MED12L: variants seen among roughly 807,000 people sequenced by gnomAD.
MED12L encodes the protein mediator of RNA polymerase II transcription subunit 12-like protein.
A neutral mutation model predicts 281.3 loss-of-function variants in MED12L; 60 were observed. The ratio of observed to expected loss-of-function variants is 0.21; its 90% CI spans 0.17 to 0.26. MED12L has a LOEUF of 0.26. MED12L is among the 10% of genes least tolerant of loss of function. The pLI is 1.00. For synonymous variants in MED12L, 974 were observed against 987.2 expected (o/e 0.99, Z 0.25); for missense variants, 2,146 against 2,680.9 (o/e 0.80, Z 4.41).
chr3:151,286,619 G>A (rs1403881613), intron 16 of MED12L, among the ~76,000 whole-genome samples: 4 of 152,152 alleles, frequency 2.6e-5, no homozygotes, highest in African/African-American at 9.7e-5. Flanking sequence ...TGATGAAATG[G>A]CTGGATTCAT....
At chr3:151,219,660 A>T (rs763406903) in intron 16 of MED12L, 4 of 152,228 alleles carry the variant, frequency 2.6e-5, no homozygotes, top group Non-Finnish European at 5.9e-5. Flanking sequence ...ACACAAAACA[A>T]AAAACCAAAG....
At chr3:151,091,559 A>G (rs999902878) in intron 2 of MED12L, among the ~76,000 whole-genome samples, 6 of 152,224 alleles carry the variant, frequency 3.9e-5, no homozygotes, top group African/African-American at 1.2e-4. Context: ...TTAGACTTCT[A>G]TGTATGGCTG....
intron 2 of MED12L, among the ~76,000 whole-genome samples, chr3:151,102,368 GT>G (rs112563722): frequency 6.6e-6 from 1 of 152,124 alleles, no homozygotes; most frequent in East Asian, 1.9e-4. Flanking sequence ...GTTTAGACTA[GT>G]TTTTCTGAGG....
At chr3:151,190,607 T>C (rs1166805542) in intron 13 of MED12L, 110 bp from the exon 14 acceptor site, 1 of 996,772 alleles carries the variant, frequency 1.0e-6, no homozygotes, top group Admixed American at 2.5e-5. Context: ...AGATCTTTTT[T>C]TTCCCCAGAA....
At chr3:151,341,451 A>G (rs776620319) in intron 16 of MED12L, among the ~76,000 whole-genome samples, 1 of 152,100 alleles carries the variant, frequency 6.6e-6, no homozygotes, top group Non-Finnish European at 1.5e-5. Flanking sequence ...AAAATATAAC[A>G]TTAAATTAAG....
chr3:151,409,689 T>C (rs1004908940), intron 40 of MED12L, among the ~76,000 whole-genome samples: 9 of 152,236 alleles, frequency 5.9e-5, no homozygotes, highest in African/African-American at 2.2e-4. Context: ...CTGGACTCAG[T>C]GGCTCATGCC....
At position 151,163,952 on chromosome 3, in the gene MED12L, G is replaced by C. The variant is rs1720344822; in HGVS notation, c.1167G>C (p.Lys389Asn). The C allele has an allele frequency of 6.2e-7, 1 of 1,613,232 alleles. No individual in the cohort carries two copies. The highest frequency in any genetic ancestry group is 8.5e-7 in the Non-Finnish European group (1 of 1,179,570). ...GGAATTATTCCACAAATGAAAATAAGAGCGCAAACCCAGGCTCACCCCTGG... is the reference window on the plus strand; with the variant it reads ...GGAATTATTCCACAAATGAAAATAACAGCGCAAACCCAGGCTCACCCCTGG... ...LVWNYSTNEN[K>N]SANPGSPLDL... is the part of the protein sequence containing the mutation. Residue 389 changes from lysine (K) to asparagine (N), a missense_variant, in exon 9 of 45, where the codon AAG becomes AAC. This residue lies in a region of MED12L where 722 missense variants were observed against 861.2 expected (regional missense o/e 0.84). Coordinates refer to ENST00000687756, the MANE Select transcript of MED12L (RefSeq NM_001393769.1).
At chr3:151,312,802 C>T (rs1471647592) in intron 16 of MED12L, among the ~76,000 whole-genome samples, 4 of 152,200 alleles carry the variant, frequency 2.6e-5, no homozygotes, top group Non-Finnish European at 4.4e-5. Context: ...TTGCCACTTA[C>T]TTGGGCAGGT....
chr3:151,254,594 G>A (rs919157819), intron 16 of MED12L, among the ~76,000 whole-genome samples: 3 of 152,136 alleles, frequency 2.0e-5, no homozygotes, highest in South Asian at 2.1e-4. Flanking sequence ...TTAGCTATAC[G>A]TGTATGTGTA....
At chr3:151,237,381 C>T (rs1733120517) in intron 16 of MED12L, among the ~76,000 whole-genome samples, 2 of 106,224 alleles carry the variant, frequency 1.9e-5, no homozygotes, top group South Asian at 7.0e-4. Context: ...CAGAGTCTTA[C>T]TCTTGTCGCC....
At chr3:151,296,733 G>T (rs1425204950) in intron 16 of MED12L, among the ~76,000 whole-genome samples, 1 of 151,930 alleles carries the variant, frequency 6.6e-6, no homozygotes, top group Non-Finnish European at 1.5e-5. Context: ...TGAACTAATG[G>T]AATTAATTTA....
chr3:151,161,467 C>T (rs984556246), intron 8 of MED12L, among the ~76,000 whole-genome samples: 2 of 152,104 alleles, frequency 1.3e-5, no homozygotes, highest in South Asian at 2.1e-4. Context: ...GCTTAAGAGT[C>T]GGGCAGAGGG....
intron 16 of MED12L, among the ~76,000 whole-genome samples, chr3:151,266,380 C>T (rs1197975354): frequency 6.6e-6 from 1 of 152,210 alleles, no homozygotes; most frequent in Non-Finnish European, 1.5e-5. Flanking sequence ...CTTTTAGGAT[C>T]ACATTTACAG....
intron 29 of MED12L, 55 bp from the exon 30 acceptor site, chr3:151,376,936 T>C (rs1756925838): frequency 6.2e-7 from 1 of 1,610,746 alleles, no homozygotes; most frequent in Non-Finnish European, 8.5e-7. Flanking sequence ...AACACGTTGA[T>C]GTTTGAGGAT....
intron 3 of MED12L, among the ~76,000 whole-genome samples, chr3:151,120,449 G>A (rs930025436): frequency 7.9e-5 from 12 of 152,140 alleles, no homozygotes; most frequent in Non-Finnish European, 8.8e-5. Flanking sequence ...AGTGTGATTC[G>A]TAATAGCAAC....
Position 151,242,746 on chromosome 3 carries a change from G to A in MED12L, c.2250+49080G>A, listed in dbSNP as rs572450142. On this transcript the variant is annotated intron_variant, in intron 16 of 44. Coordinates refer to ENST00000687756, the MANE Select transcript of MED12L (RefSeq NM_001393769.1). The stretch of plus-strand genomic sequence containing the variant: ...AAAGGAACGCAGTTCCTCACCAGCA[G>A]CGGAACAAAGCTGGATGGAGAATGA... 7.7e-4 allele frequency among the ~76,000 whole-genome samples: 118 copies of A among 152,264 alleles called. No individual in the cohort carries two copies. The East Asian group carries it at 0.017, about 22-fold the overall frequency.
At chr3:151,147,050 A>T (rs1025052453) in intron 5 of MED12L, among the ~76,000 whole-genome samples, 11 of 152,196 alleles carry the variant, frequency 7.2e-5, no homozygotes, top group Non-Finnish European at 1.5e-4. Context: ...GGCTCATTTT[A>T]TAGGGTACAA....
At chr3:151,114,076 C>T (rs764018153) in intron 2 of MED12L, among the ~76,000 whole-genome samples, 4 of 152,200 alleles carry the variant, frequency 2.6e-5, no homozygotes, top group African/African-American at 4.8e-5. Context: ...CTTTCTTAGA[C>T]TCAGAGACTA....
intron 5 of MED12L, among the ~76,000 whole-genome samples, chr3:151,149,203 C>T (rs1430001339): frequency 3.9e-5 from 6 of 151,948 alleles, no homozygotes; most frequent in Admixed American, 6.6e-5. Context: ...ATGTCAGAGA[C>T]GGGAGACAAA....
Sources: gnomAD v4.1 joint callset for allele counts (sites outside exome capture counted in the v4.1 genomes callset) on GRCh38, gnomAD v4.1.1 for gene constraint, gnomAD v4.1.1 regional missense constraint, MANE v1.5 for transcripts, NCBI Gene and HGNC (gene_info 2026-07-23, HGNC 2026-07-21) for gene names.